The following SMCO4 variants were observed in gnomAD, a reference collection of about 807,000 sequenced individuals.
SMCO4 encodes the protein single-pass membrane and coiled-coil domain-containing protein 4.
In SMCO4, 4 loss-of-function variants were observed where a neutral mutation model predicts 3.6. The observed-to-expected ratio is 1.11, with a 90% confidence interval of 0.54 to 2.53. The LOEUF is 2.53. SMCO4 is among the 30% of genes most tolerant of loss of function. The pLI is 0.02. For missense variants in SMCO4, 70 were observed against 80.8 expected, an observed-to-expected ratio of 0.87 and a Z score of 0.51; for synonymous variants, 36 against 35.3, an observed-to-expected ratio of 1.02 and a Z score of -0.07.
At chr11:93,482,118 C>G (rs1413866964) in intron 2 of SMCO4, among the ~76,000 whole-genome samples, 1 of 152,268 alleles carries the variant, frequency 6.6e-6, no homozygotes, top group Non-Finnish European at 1.5e-5. Flanking sequence ...ACATGCCCGT[C>G]TGAATCCTGG....
chr11:93,534,365 T>C (rs1429114009), intron 1 of SMCO4, among the ~76,000 whole-genome samples: 5 of 95,752 alleles, frequency 5.2e-5, no homozygotes, highest in Non-Finnish European at 9.9e-5. Flanking sequence ...TACATATATA[T>C]ATATATATAT....
chr11:93,542,685 C>G (rs1489046072), intron 1 of SMCO4, among the ~76,000 whole-genome samples: 2 of 152,176 alleles, frequency 1.3e-5, no homozygotes, highest in African/African-American at 4.8e-5. Flanking sequence ...GTCTCAGGGT[C>G]GGTCCCGAAA....
intron 2 of SMCO4, among the ~76,000 whole-genome samples, chr11:93,490,025 C>A (rs1226136682): frequency 6.6e-6 from 1 of 152,210 alleles, no homozygotes; most frequent in East Asian, 1.9e-4. Context: ...CTCAAAAGCT[C>A]CTTCCCAGAG....
rs923723013 is a variant in SMCO4, at chr11:93,478,746, C to T, written c.*264G>A. 1.3e-6 allele frequency: 1 copy of T among 760,600 alleles called. No homozygotes were observed. The highest frequency in any genetic ancestry group is 1.8e-6 in the Non-Finnish European group (1 of 560,134). 47.1% of individuals were successfully genotyped at this position (760,600 alleles called of 1,614,324 possible). On this transcript the variant is annotated 3_prime_UTR_variant, in exon 3 of 3. Coordinates refer to ENST00000298966, the MANE Select transcript of SMCO4 (RefSeq NM_020179.3). ...ACACACACACACACACACACACACA[C>T]ACACACATGCGCGCGCGCTTTGAAG...
chr11:93,506,687 C>T (rs940586859), intron 1 of SMCO4, among the ~76,000 whole-genome samples: 2 of 152,082 alleles, frequency 1.3e-5, no homozygotes, highest in African/African-American at 4.8e-5. Context: ...GTGATCCAAC[C>T]GCCTCGGCCT....
intron 1 of SMCO4, among the ~76,000 whole-genome samples, chr11:93,516,100 G>T (rs1278946871): frequency 1.3e-5 from 2 of 152,086 alleles, no homozygotes; most frequent in Admixed American, 6.6e-5. Context: ...AGGCATTCCG[G>T]TTCTCATAAT....
chr11:93,518,774 A>G (rs894622235), intron 1 of SMCO4, among the ~76,000 whole-genome samples: 1 of 152,214 alleles, frequency 6.6e-6, no homozygotes, highest in Non-Finnish European at 1.5e-5. Flanking sequence ...TTTTTAACAA[A>G]AAAATCACAC....
chr11:93,503,993 T>G (rs1948874216), intron 1 of SMCO4, among the ~76,000 whole-genome samples: 2 of 152,324 alleles, frequency 1.3e-5, no homozygotes, highest in South Asian at 2.1e-4. Context: ...ATTATGCATA[T>G]AAAAATACAT....
intron 2 of SMCO4, among the ~76,000 whole-genome samples, chr11:93,494,585 C>T (rs578211948): frequency 2.5e-4 from 38 of 152,186 alleles, no homozygotes; most frequent in Non-Finnish European, 2.1e-4. Context: ...CAGGGGAGTA[C>T]AATCATCCAG....
intron 2 of SMCO4, among the ~76,000 whole-genome samples, chr11:93,494,350 G>A (rs1591307889): frequency 6.6e-6 from 1 of 152,200 alleles, no homozygotes; most frequent in South Asian, 2.1e-4. Context: ...ACTTCAGAGT[G>A]CAGGGTTAAC....
At chr11:93,537,309 G>C (rs1949235157) in intron 1 of SMCO4, among the ~76,000 whole-genome samples, 1 of 152,192 alleles carries the variant, frequency 6.6e-6, no homozygotes, top group Non-Finnish European at 1.5e-5. Flanking sequence ...CCACGCATTT[G>C]AGTCCCTCCA....
chr11:93,507,375 G>A (rs887476923), intron 1 of SMCO4, among the ~76,000 whole-genome samples: 1 of 152,162 alleles, frequency 6.6e-6, no homozygotes, highest in African/African-American at 2.4e-5. Flanking sequence ...ACTTCAGCCT[G>A]GGGGATAGAG....
chr11:93,524,144 T>A (rs1233479059), intron 1 of SMCO4, among the ~76,000 whole-genome samples: 6 of 152,178 alleles, frequency 3.9e-5, no homozygotes, highest in Non-Finnish European at 8.8e-5. Flanking sequence ...TGAGCCTGGG[T>A]GATCTCACAT....
intron 1 of SMCO4, among the ~76,000 whole-genome samples, chr11:93,534,867 C>T (rs1255108440): frequency 6.6e-6 from 1 of 152,158 alleles, no homozygotes; most frequent in Admixed American, 6.5e-5. Context: ...CCCTCAAACA[C>T]CTTCTAAGAA....
intron 1 of SMCO4, among the ~76,000 whole-genome samples, chr11:93,504,164 C>T (rs1219305659): frequency 6.6e-6 from 1 of 152,178 alleles, no homozygotes; most frequent in Non-Finnish European, 1.5e-5. Flanking sequence ...GATATTTCTG[C>T]AACTCCAACT....
Position 93,528,437 on chromosome 11 carries a change from C to T in SMCO4, c.-154+14839G>A, listed in dbSNP as rs1186980229. ...ATGGAGATTTAGCCAAATCCTCCACCACCTGCTCGTCTCTGCCTCCAAGTT... is the reference window on the plus strand; with the variant it reads ...ATGGAGATTTAGCCAAATCCTCCACTACCTGCTCGTCTCTGCCTCCAAGTT... On this transcript the variant is annotated intron_variant, in intron 1 of 2. Coordinates refer to ENST00000298966, the MANE Select transcript of SMCO4 (RefSeq NM_020179.3). Among the ~76,000 whole-genome samples, 3 of 152,212 alleles carry T rather than the reference C, an allele frequency of 2.0e-5. No homozygotes were observed. The East Asian group carries it at 5.8e-4, about 29-fold the overall frequency.
intron 2 of SMCO4, among the ~76,000 whole-genome samples, chr11:93,492,107 G>C (rs1183063564): frequency 6.6e-6 from 1 of 152,168 alleles, no homozygotes; most frequent in Non-Finnish European, 1.5e-5. Flanking sequence ...TTGTGCATCC[G>C]GGCCTTCCCC....
At chr11:93,552,420 G>A in the SMCO4 span, among the ~76,000 whole-genome samples, 6 of 148,778 alleles carry the variant, frequency 4.0e-5, no homozygotes, top group African/African-American at 1.2e-4. Context: ...GATTACAGGC[G>A]TAGGCCACCG....
chr11:93,486,033 CA>C (rs1948645825), intron 2 of SMCO4, among the ~76,000 whole-genome samples: 1 of 152,150 alleles, frequency 6.6e-6, no homozygotes, highest in East Asian at 1.9e-4. Flanking sequence ...GATGTGATTC[CA>C]AAGCCCACCC....
Sources: gnomAD v4.1 joint callset for allele counts (sites outside exome capture counted in the v4.1 genomes callset) on GRCh38, gnomAD v4.1.1 for gene constraint, MANE v1.5 for transcripts, NCBI Gene and HGNC (gene_info 2026-07-23, HGNC 2026-07-21) for gene names.